The following SYNPO variants were observed in gnomAD, a reference collection of about 807,000 sequenced individuals.
SYNPO encodes the protein synaptopodin.
Under a neutral mutation model 49.5 loss-of-function variants are expected in SYNPO, and 19 were observed. That is an observed-to-expected ratio of 0.38 (90% CI 0.27 to 0.56). SYNPO has a LOEUF of 0.56. SYNPO is among the 20% of genes least tolerant of loss of function. The probability of loss-of-function intolerance (pLI) is 0.68; values close to 1 mark genes in which losing one functional copy is unlikely to be tolerated. For synonymous variants in SYNPO, 536 were observed against 548.0 expected, an observed-to-expected ratio of 0.98 and a Z score of 0.31; for missense variants, 1,131 against 1,248.3, an observed-to-expected ratio of 0.91 and a Z score of 1.42.
rs192542133 is a variant in SYNPO at position 150,609,359 on chromosome 5, A to C, written c.-266+8171A>C. Among the ~76,000 whole-genome samples, 1,170 of 152,296 alleles carry C rather than the reference A, an allele frequency of 7.7e-3. 4 individuals carry two copies. The highest frequency in any genetic ancestry group is 0.011 in the Non-Finnish European group (716 of 68,028). ...GCCCAGGCTGGAGTGCAATGGCTCTATCTCGGCTCACTGCAACCTCCACCT... is the reference window on the plus strand; with the variant it reads ...GCCCAGGCTGGAGTGCAATGGCTCTCTCTCGGCTCACTGCAACCTCCACCT... On this transcript the variant is annotated intron_variant, in intron 1 of 2. Transcript: ENST00000394243.
chr5:150,651,457 A>G, intron 2 of SYNPO: 1 of 1,000,568 alleles, frequency 1.0e-6, no homozygotes, highest in Non-Finnish European at 1.2e-6. Context: ...TGTAAGTGAC[A>G]AGACAGTCCC....
At chr5:150,642,979 G>C (rs1322286293) in intron 1 of SYNPO, among the ~76,000 whole-genome samples, 1 of 152,204 alleles carries the variant, frequency 6.6e-6, no homozygotes, top group African/African-American at 2.4e-5. Context: ...CCTCCTCTCT[G>C]ACCTCTTCCT....
At chr5:150,603,491 G>C (rs1348590560) in intron 1 of SYNPO, among the ~76,000 whole-genome samples, 1 of 152,256 alleles carries the variant, frequency 6.6e-6, no homozygotes, top group African/African-American at 2.4e-5. Flanking sequence ...GTTGCCGTTA[G>C]TGTTACTTGT....
chr5:150,649,630 G>T lies in SYNPO; in HGVS notation c.1355G>T (p.Trp452Leu). 2 of 1,609,026 alleles carry T rather than the reference G, an allele frequency of 1.2e-6. No individual in the cohort carries two copies. The highest frequency in any genetic ancestry group is 1.7e-6 in the Non-Finnish European group (2 of 1,179,748). The part of the protein sequence containing the change: ...PAAAEEVVPE[W>L]ASCLKSPRIQ... Reference sequence around the variant, plus strand: ...GCGGCGGAGGAGGTGGTACCAGAGTGGGCCTCCTGCCTCAAGTCACCCCGC... The same window carrying T: ...GCGGCGGAGGAGGTGGTACCAGAGTTGGCCTCCTGCCTCAAGTCACCCCGC... Residue 452 changes from tryptophan to leucine, a missense_variant, in exon 2 of 3, where the codon TGG (tryptophan) becomes TTG (leucine). Around this residue, in one of 4 missense-constraint regions of SYNPO, gnomAD observed 602 missense variants for 720.7 expected, o/e 0.84. Coordinates refer to ENST00000307662, the MANE Select transcript of SYNPO (RefSeq NM_007286.6).
upstream of SYNPO, among the ~76,000 whole-genome samples, chr5:150,637,577 C>T (rs932827014): frequency 6.6e-6 from 1 of 152,212 alleles, no homozygotes; most frequent in Non-Finnish European, 1.5e-5. Context: ...CCTGAGACCC[C>T]GTCTGGGGAA....
rs772675577 is a variant in SYNPO at position 150,648,685 on chromosome 5, T to G, written c.410T>G (p.Leu137Arg). 5 of 1,614,186 alleles carry G rather than the reference T, an allele frequency of 3.1e-6. No homozygotes were observed. Among genetic ancestry groups the G allele is most frequent in the Non-Finnish European group, 3.4e-6 (4 of 1,180,030 alleles). The change falls in exon 2 of 3, where the codon CTG (leucine) becomes CGG (arginine). Residue 137 changes from leucine (L) to arginine (R), a missense_variant. Leu to Arg is a moderately radical substitution (Grantham distance 102, BLOSUM62 -2). Coordinates refer to ENST00000307662, the MANE Select transcript of SYNPO (RefSeq NM_007286.6). The surrounding 1 kb of genome is among the most constrained non-coding windows in gnomAD (Gnocchi z 5.0). ...GTGPASKPST[L>R]CADGQPQAPA... is the part of the protein sequence containing the mutation. ...GGGCCTGCTTCCAAACCCAGCACCC[T>G]GTGTGCTGATGGGCAACCCCAGGCA...
At chr5:150,607,424 TACC>T (rs551949089) in intron 1 of SYNPO, among the ~76,000 whole-genome samples, 167 of 152,338 alleles carry the variant, frequency 1.1e-3, no homozygotes, top group Non-Finnish European at 1.9e-3. Context: ...TCTGCTTGTT[TACC>T]ACAAGTGACA....
chr5:150,638,926 G>A (rs74996942), upstream of SYNPO, among the ~76,000 whole-genome samples: 2,153 of 152,334 alleles, frequency 0.014, 99 homozygotes, highest in East Asian at 0.18. Context: ...CACAGGCTTA[G>A]CTCACCAGGG....
intron 2 of SYNPO, among the ~76,000 whole-genome samples, chr5:150,620,902 T>TC (rs1757137141): frequency 9.6e-6 from 1 of 104,570 alleles, no homozygotes; most frequent in African/African-American, 3.9e-5. Flanking sequence ...TTTTTTTCTC[T>TC]TTCTTTCTTT....
chr5:150,605,428 T>G (rs1266636640), intron 1 of SYNPO, among the ~76,000 whole-genome samples: 1 of 151,954 alleles, frequency 6.6e-6, no homozygotes, highest in South Asian at 2.1e-4. Context: ...ACTCAGAAAA[T>G]TGAGGCTCAG....
chr5:150,593,212 G>A, the SYNPO span, among the ~76,000 whole-genome samples: 2 of 152,230 alleles, frequency 1.3e-5, no homozygotes, highest in East Asian at 3.9e-4. Context: ...CCTGACTTGT[G>A]TGCTATCTTC....
intron 2 of SYNPO, among the ~76,000 whole-genome samples, chr5:150,656,116 G>A (rs985994858): frequency 6.6e-6 from 1 of 152,232 alleles, no homozygotes; most frequent in African/African-American, 2.4e-5. Context: ...AGCAGAAACT[G>A]AAGCCCAGAG....
intron 1 of SYNPO, among the ~76,000 whole-genome samples, chr5:150,611,965 A>C (rs1289307233): frequency 6.6e-6 from 1 of 152,222 alleles, no homozygotes. Context: ...AAGGTAATGG[A>C]AAATGCTGGG....
At chr5:150,655,473 C>A (rs1487232969) in intron 2 of SYNPO, among the ~76,000 whole-genome samples, 1 of 152,206 alleles carries the variant, frequency 6.6e-6, no homozygotes, top group Admixed American at 6.5e-5. Flanking sequence ...GACCTCCCTC[C>A]CAGCTCCTCT....
Position 150,606,447 on chromosome 5 carries a change from G to A in SYNPO, c.-266+5259G>A, listed in dbSNP as rs577065616. Among the ~76,000 whole-genome samples, 7 of 152,354 alleles carry A rather than the reference G, an allele frequency of 4.6e-5. No individual in the cohort carries two copies. The East Asian group carries it at 1.3e-3, about 29-fold the overall frequency. On this transcript the variant is annotated intron_variant, in intron 1 of 2. Coordinates refer to the SYNPO transcript ENST00000394243. ...TGTGATTATTCTTGATTTGTACATG[G>A]AGAAGAGGGGAAGTCACTTGCCCAA... is the stretch of plus-strand genomic sequence containing the variant.
intron 2 of SYNPO, among the ~76,000 whole-genome samples, chr5:150,629,900 C>T (rs1469499267): frequency 6.6e-6 from 1 of 152,016 alleles, no homozygotes; most frequent in Non-Finnish European, 1.5e-5. Context: ...CAGTCTGGCC[C>T]CAAAAACTGT....
chr5:150,648,110 C>G lies in SYNPO; in HGVS notation c.-166C>G, dbSNP rs377659040. 1 of 1,551,768 alleles carries G rather than the reference C, an allele frequency of 6.4e-7. No homozygotes were observed. Among genetic ancestry groups the G allele is most frequent in the African/African-American group, 1.4e-5 (1 of 73,038 alleles). ...TGAACGAGTTCACCTTGGAGAGCCA[C>G]GGCCAGAGGGGACAGAAGCCCAGCC... On this transcript the variant is annotated 5_prime_UTR_variant, in exon 2 of 3. Transcript: ENST00000307662. This position sits in a 1 kb window ranked among gnomAD's most constrained non-coding sequence, Gnocchi z 5.0.
chr5:150,652,240 T>C (rs1168543082), intron 2 of SYNPO: 4 of 1,000,688 alleles, frequency 4.0e-6, no homozygotes, highest in Non-Finnish European at 4.8e-6. Context: ...GGGCCACCAA[T>C]GGAAGAGCCC....
In SYNPO at chr5:150,635,368, C is replaced by T. The variant is rs148627832; in HGVS notation, c.401-12576C>T. Among the ~76,000 whole-genome samples the T allele has an allele frequency of 4.1e-3, 618 of 152,316 alleles. 5 individuals are homozygous for T. Among genetic ancestry groups the T allele is most frequent in the African/African-American group, 0.014 (587 of 41,566 alleles). ...CTGGAGCCTCTCCAGCATTAAGAGGCTACTGAGAATGCGTGTATGTTGCAG... is the reference window on the plus strand; with the variant it reads ...CTGGAGCCTCTCCAGCATTAAGAGGTTACTGAGAATGCGTGTATGTTGCAG... On this transcript the variant is annotated intron_variant, in intron 2 of 2. Coordinates refer to the SYNPO transcript ENST00000394243.
Sources: gnomAD v4.1 joint callset for allele counts (sites outside exome capture counted in the v4.1 genomes callset) on GRCh38, gnomAD v4.1.1 for gene constraint, gnomAD v4.1.1 regional missense constraint, Gnocchi (gnomAD v3.1) non-coding constraint, MANE v1.5 for transcripts, NCBI Gene and HGNC (gene_info 2026-07-23, HGNC 2026-07-21) for gene names.